ARHGAP15: variants seen among roughly 807,000 people sequenced by gnomAD.
ARHGAP15 encodes rho GTPase-activating protein 15.
Under a neutral mutation model 63.7 loss-of-function variants are expected in ARHGAP15, and 51 were observed. The observed-to-expected ratio is 0.80, with a 90% confidence interval of 0.64 to 1.01. ARHGAP15 has a LOEUF of 1.01. Ranked by LOEUF, ARHGAP15 falls within the 50% of genes least tolerant of loss-of-function variation. The pLI is 0.00. For missense variants in ARHGAP15, 560 were observed against 564.6 expected (o/e 0.99, Z 0.08); for synonymous variants, 191 against 193.8 (o/e 0.99, Z 0.12).
In ARHGAP15 at chr2:143,267,287, TA is replaced by T. The variant is rs891519366; in HGVS notation, c.474+16691del. ...AACTTTGATAAAGCCATTCCAGAGA[TA>T]AAAGCACATTTAACATAATTTATTG... On this transcript the variant is annotated intron_variant, in intron 6 of 13. Coordinates refer to ENST00000295095, the MANE Select transcript of ARHGAP15 (RefSeq NM_018460.4). Among the ~76,000 whole-genome samples, 8 of 152,184 alleles carry T rather than the reference TA, an allele frequency of 5.3e-5. 1 individual carries two copies. Among genetic ancestry groups the T allele is most frequent in the Non-Finnish European group, 1.0e-4 (7 of 68,014 alleles).
chr2:143,624,994 G>A (rs942051420), intron 12 of ARHGAP15, among the ~76,000 whole-genome samples: 1 of 152,010 alleles, frequency 6.6e-6, no homozygotes, highest in African/African-American at 2.4e-5. Context: ...CAAATGGAAG[G>A]GTACTTCTGC....
At chr2:143,615,908 C>T (rs1698434887) in intron 11 of ARHGAP15, among the ~76,000 whole-genome samples, 1 of 152,062 alleles carries the variant, frequency 6.6e-6, no homozygotes, top group Admixed American at 6.6e-5. Flanking sequence ...TGTACGGTAT[C>T]TATAGAGTAC....
chr2:143,609,686 C>T (rs1027127998), intron 11 of ARHGAP15, among the ~76,000 whole-genome samples: 1 of 152,120 alleles, frequency 6.6e-6, no homozygotes, highest in African/African-American at 2.4e-5. Context: ...TCTCTTTGCC[C>T]CCCCACCTCA....
chr2:143,437,027 C>A lies in ARHGAP15; in HGVS notation c.688C>A (p.His230Asn). The change falls in exon 8 of 14, where the codon CAC becomes AAC. Residue 230 changes from histidine to asparagine, a missense_variant. Coordinates refer to ENST00000295095, the MANE Select transcript of ARHGAP15 (RefSeq NM_018460.4). ...DSDIKEQKPE[H>N]RKSLMFRLHH... ...TGATATAAAAGAACAGAAACCAGAGCACAGAAAATCTTTAAGTGAGTATTT... is the reference window on the plus strand; with the variant it reads ...TGATATAAAAGAACAGAAACCAGAGAACAGAAAATCTTTAAGTGAGTATTT... 6.2e-7 allele frequency: 1 copy of A among 1,601,366 alleles called. No homozygotes were observed. The highest frequency in any genetic ancestry group is 8.5e-7 in the Non-Finnish European group (1 of 1,176,666).
At chr2:143,141,618 G>A (rs765464666) in intron 1 of ARHGAP15, among the ~76,000 whole-genome samples, 7 of 152,094 alleles carry the variant, frequency 4.6e-5, no homozygotes, top group African/African-American at 7.2e-5. Context: ...TATCCTACTC[G>A]TTGTAACTAA....
chr2:143,318,314 T>C (rs568837244), intron 6 of ARHGAP15, among the ~76,000 whole-genome samples: 158 of 152,156 alleles, frequency 1.0e-3, no homozygotes, highest in African/African-American at 3.7e-3. Flanking sequence ...CCCATAAAAC[T>C]TTCACACAGT....
At chr2:143,419,613 T>G (rs1393006853) in intron 6 of ARHGAP15, among the ~76,000 whole-genome samples, 1 of 151,788 alleles carries the variant, frequency 6.6e-6, no homozygotes, top group African/African-American at 2.4e-5. Flanking sequence ...AGATACGATA[T>G]TGTATATTTA....
intron 8 of ARHGAP15, among the ~76,000 whole-genome samples, chr2:143,450,032 A>G (rs1284489955): frequency 6.8e-6 from 1 of 146,598 alleles, no homozygotes; most frequent in Non-Finnish European, 1.5e-5. Context: ...GACAGCTTAC[A>G]TAAGAATAAT....
intron 9 of ARHGAP15, among the ~76,000 whole-genome samples, chr2:143,508,836 C>T (rs1407889589): frequency 6.6e-6 from 1 of 152,186 alleles, no homozygotes; most frequent in Non-Finnish European, 1.5e-5. Context: ...AGATTGACAT[C>T]TATTTCCAGG....
chr2:143,262,929 A>G (rs1680801910), intron 6 of ARHGAP15, among the ~76,000 whole-genome samples: 2 of 152,178 alleles, frequency 1.3e-5, no homozygotes, highest in Admixed American at 1.3e-4. Context: ...CAGATAGGTT[A>G]CTACGGGGGC....
rs535685442 is a variant in ARHGAP15 at position 143,228,514 on chromosome 2, T to C, written c.297-67T>C. 4.7e-6 allele frequency: 5 copies of C among 1,071,996 alleles called. 1 individual carries two copies. In the South Asian group the frequency reaches 7.3e-5, roughly 16 times the overall value. 66.4% of individuals were successfully genotyped at this position (1,071,996 alleles called of 1,614,324 possible). ...CTCTACTCATTCCAAATGTTGCTCA[T>C]ACTGTATCTATAAATGATTTCTTCA... is the stretch of plus-strand genomic sequence containing the variant. On this transcript the variant is annotated intron_variant, in intron 4 of 13. Coordinates refer to ENST00000295095, the MANE Select transcript of ARHGAP15 (RefSeq NM_018460.4).
chr2:143,493,710 C>T (rs567425001), intron 9 of ARHGAP15, among the ~76,000 whole-genome samples: 2 of 152,320 alleles, frequency 1.3e-5, no homozygotes, highest in East Asian at 3.9e-4. Flanking sequence ...ACTGGTTGCT[C>T]TCCAGCTGAT....
At chr2:143,570,422 C>T (rs918221825) in intron 11 of ARHGAP15, among the ~76,000 whole-genome samples, 1 of 152,206 alleles carries the variant, frequency 6.6e-6, no homozygotes, top group African/African-American at 2.4e-5. Context: ...CTTATCTACT[C>T]AACACACTAA....
intron 11 of ARHGAP15, among the ~76,000 whole-genome samples, chr2:143,568,067 C>A (rs1023359074): frequency 1.3e-5 from 2 of 152,082 alleles, no homozygotes; most frequent in Admixed American, 1.3e-4. Flanking sequence ...CATAAAAACC[C>A]TAGAAGAAAA....
chr2:143,632,373 A>G (rs1353432134), intron 12 of ARHGAP15, among the ~76,000 whole-genome samples: 1 of 152,126 alleles, frequency 6.6e-6, no homozygotes, highest in Non-Finnish European at 1.5e-5. Flanking sequence ...GAATGTATGT[A>G]TGCATAGGAC....
chr2:143,376,422 C>T (rs1376666212), intron 6 of ARHGAP15, among the ~76,000 whole-genome samples: 3 of 152,132 alleles, frequency 2.0e-5, no homozygotes, highest in Non-Finnish European at 2.9e-5. Context: ...TTCACTGCAG[C>T]CTACTCTGTC....
At chr2:143,243,094 C>T (rs1393642481) in intron 5 of ARHGAP15, among the ~76,000 whole-genome samples, 2 of 152,018 alleles carry the variant, frequency 1.3e-5, no homozygotes, top group East Asian at 1.9e-4. Context: ...TTGTGGCCTG[C>T]GTATATGCCC....
Position 143,322,336 on chromosome 2 carries a change from T to G in ARHGAP15, c.474+71736T>G, listed in dbSNP as rs150687189. ...TTCTTAGCATAAATAAGCTAATACA[T>G]TTACTATTTAAGGTGTTACTTTTAT... is the stretch of plus-strand genomic sequence containing the variant. On this transcript the variant is annotated intron_variant, in intron 6 of 13. Coordinates refer to ENST00000295095, the MANE Select transcript of ARHGAP15 (RefSeq NM_018460.4). Among the ~76,000 whole-genome samples the G allele has an allele frequency of 5.9e-3, 896 of 152,254 alleles. 5 individuals carry two copies. The highest frequency in any genetic ancestry group is 0.021 in the African/African-American group (854 of 41,544).
intron 9 of ARHGAP15, among the ~76,000 whole-genome samples, chr2:143,507,623 A>C (rs1345764204): frequency 6.6e-6 from 1 of 152,182 alleles, no homozygotes; most frequent in African/African-American, 2.4e-5. Flanking sequence ...ATGCTTTCCA[A>C]ACTTAAAACA....
Sources: gnomAD v4.1 joint callset for allele counts (sites outside exome capture counted in the v4.1 genomes callset) on GRCh38, gnomAD v4.1.1 for gene constraint, MANE v1.5 for transcripts, NCBI Gene and HGNC (gene_info 2026-07-23, HGNC 2026-07-21) for gene names.